Variants in WWOX observed in about 807,000 individuals in gnomAD.
WWOX encodes the protein WW domain-containing oxidoreductase.
WWOX carries 69 observed loss-of-function variants against 46.2 expected under a neutral mutation model. The ratio of observed to expected loss-of-function variants is 1.49; its 90% CI spans 1.23 to 1.82. The LOEUF (loss-of-function observed/expected upper bound fraction) is 1.82, where lower values mean the gene tolerates loss of function less well. WWOX is among the 40% of genes most tolerant of loss of function. The pLI, the probability that WWOX is intolerant of heterozygous loss-of-function variation, is 0.00. For missense variants in WWOX, 919 were observed against 542.6 expected, an observed-to-expected ratio of 1.69 and a Z score of -6.89; for synonymous variants, 359 against 202.6, an observed-to-expected ratio of 1.77 and a Z score of -6.56.
chr16:78,440,403 C>T (rs950014234), intron 8 of WWOX, among the ~76,000 whole-genome samples: 1 of 152,132 alleles, frequency 6.6e-6, no homozygotes, highest in South Asian at 2.1e-4. Context: ...CTGCAAAACT[C>T]AGTCTGAACA....
intron 8 of WWOX, among the ~76,000 whole-genome samples, chr16:78,988,370 G>C (rs1004084632): frequency 7.1e-6 from 1 of 140,166 alleles, no homozygotes; most frequent in Non-Finnish European, 1.6e-5. Context: ...AAAAAAAAAA[G>C]AAAGAAAATT....
intron 8 of WWOX, among the ~76,000 whole-genome samples, chr16:78,489,257 C>G (rs370608713): frequency 6.6e-6 from 1 of 152,184 alleles, no homozygotes; most frequent in Admixed American, 6.5e-5. Flanking sequence ...CAGACACCCA[C>G]CACCAGCTGT....
At chr16:78,395,278 G>A (rs1261696184) in intron 6 of WWOX, among the ~76,000 whole-genome samples, 1 of 152,186 alleles carries the variant, frequency 6.6e-6, no homozygotes, top group African/African-American at 2.4e-5. Context: ...CAGCACTTTG[G>A]GAGGCCAAGG....
intron 4 of WWOX, among the ~76,000 whole-genome samples, chr16:78,159,208 A>T (rs1022444150): frequency 3.3e-5 from 5 of 151,904 alleles, no homozygotes; most frequent in African/African-American, 1.2e-4. Context: ...TTCATTCATC[A>T]GTAGAAATTT....
intron 8 of WWOX, among the ~76,000 whole-genome samples, chr16:78,574,643 T>A (rs1018249975): frequency 3.9e-5 from 6 of 152,004 alleles, no homozygotes; most frequent in Non-Finnish European, 8.8e-5. Context: ...ACCACATTTT[T>A]AAAAATGCAT....
chr16:78,334,810 A>ACACACACACACACACACACG (rs2080843764), intron 5 of WWOX, among the ~76,000 whole-genome samples: 1 of 133,420 alleles, frequency 7.5e-6, no homozygotes, highest in South Asian at 2.4e-4. Flanking sequence ...ACACACACGC[A>ACACACACACACACACACACG]CACACACACA....
chr16:79,039,297 T>C (rs949126946), intron 8 of WWOX, among the ~76,000 whole-genome samples: 7 of 152,064 alleles, frequency 4.6e-5, no homozygotes, highest in Admixed American at 6.5e-5. Context: ...CGCCCTTGGA[T>C]TGCCTCCTCT....
chr16:78,577,337 C>G (rs896947998), intron 8 of WWOX, among the ~76,000 whole-genome samples: 1 of 152,152 alleles, frequency 6.6e-6, no homozygotes, highest in Non-Finnish European at 1.5e-5. Context: ...AAACCTTGTT[C>G]AGATTTTTAG....
chr16:78,410,236 C>T (rs1567555687), intron 6 of WWOX, among the ~76,000 whole-genome samples: 3 of 152,186 alleles, frequency 2.0e-5, no homozygotes, highest in Admixed American at 6.5e-5. Flanking sequence ...TCTGCAGAAT[C>T]GGAGCCAATT....
intron 6 of WWOX, among the ~76,000 whole-genome samples, chr16:78,390,126 G>C (rs190988773): frequency 2.6e-5 from 4 of 152,198 alleles, no homozygotes; most frequent in Non-Finnish European, 5.9e-5. Flanking sequence ...TTGGTGACGG[G>C]CATGGGGTTT....
At chr16:79,100,282 C>T (rs1020934228) in intron 8 of WWOX, among the ~76,000 whole-genome samples, 1 of 152,132 alleles carries the variant, frequency 6.6e-6, no homozygotes, top group Admixed American at 6.5e-5. Context: ...AGAATGTCTT[C>T]TTTTGATAGG....
chr16:78,576,967 C>T lies in WWOX; in HGVS notation c.1056+144215C>T, dbSNP rs568859256. 3.3e-5 allele frequency among the ~76,000 whole-genome samples: 5 copies of T among 152,356 alleles called. No individual in the cohort carries two copies. In the South Asian group the frequency reaches 1.0e-3, roughly 32 times the overall value. ...CATTTTATTTTTCATCCCATCTTCA[C>T]TCCATGTAATTAGTTAGCTATTGCT... On this transcript the variant is annotated intron_variant, in intron 8 of 8. Coordinates refer to ENST00000566780, the MANE Select transcript of WWOX (RefSeq NM_016373.4).
chr16:78,143,648 A>AG (rs2034063734), intron 4 of WWOX, among the ~76,000 whole-genome samples: 1 of 151,560 alleles, frequency 6.6e-6, no homozygotes, highest in South Asian at 2.1e-4. Flanking sequence ...AAGTTTGGCA[A>AG]CCCCTGGTTT....
chr16:78,324,298 G>A (rs576515670), intron 5 of WWOX, among the ~76,000 whole-genome samples: 15 of 152,246 alleles, frequency 9.9e-5, no homozygotes, highest in Admixed American at 5.9e-4. Flanking sequence ...AGCAGCAGGT[G>A]TTGCTGGGAA....
At chr16:78,735,610 G>C (rs2049072479) in intron 8 of WWOX, among the ~76,000 whole-genome samples, 1 of 152,242 alleles carries the variant, frequency 6.6e-6, no homozygotes, top group South Asian at 2.1e-4. Flanking sequence ...GCATGGGCCT[G>C]CCCTGTACAT....
At chr16:79,149,000 T>A (rs1441797918) in intron 8 of WWOX, among the ~76,000 whole-genome samples, 1 of 152,276 alleles carries the variant, frequency 6.6e-6, no homozygotes, top group Non-Finnish European at 1.5e-5. Flanking sequence ...AGAATTTTAT[T>A]TCTTCCTTTA....
At chr16:78,523,030 C>T (rs1380656763) in intron 8 of WWOX, among the ~76,000 whole-genome samples, 3 of 152,150 alleles carry the variant, frequency 2.0e-5, no homozygotes, top group Non-Finnish European at 4.4e-5. Flanking sequence ...TGAGATCGTG[C>T]CACTGCCCTC....
intron 4 of WWOX, among the ~76,000 whole-genome samples, chr16:78,131,387 G>A (rs550234015): frequency 2.0e-5 from 3 of 151,764 alleles, no homozygotes; most frequent in Admixed American, 1.3e-4. Context: ...AATTTCTTTT[G>A]TATTTTTAAT....
intron 8 of WWOX, among the ~76,000 whole-genome samples, chr16:79,120,664 C>T (rs1190953188): frequency 2.6e-5 from 4 of 152,154 alleles, no homozygotes; most frequent in Admixed American, 6.5e-5. Flanking sequence ...GGCTTCAGGT[C>T]GCGGTAAGCA....
Sources: allele counts gnomAD v4.1 joint callset (sites outside exome capture counted in the v4.1 genomes callset), GRCh38; gene constraint gnomAD v4.1.1; transcripts MANE v1.5; gene names NCBI Gene and HGNC (gene_info 2026-07-23, HGNC 2026-07-21).